Variants in WDR41 observed in about 807,000 individuals in gnomAD.
WDR41 encodes the protein WD repeat domain 41, also known as WD repeat-containing protein 41.
In WDR41, 63 loss-of-function variants were observed where a neutral mutation model predicts 69.3. That is an observed-to-expected ratio of 0.91 (90% CI 0.74 to 1.12). The LOEUF (loss-of-function observed/expected upper bound fraction) is 1.12, where lower values mean the gene tolerates loss of function less well. WDR41 is among the 50% of genes most tolerant of loss of function. The pLI is 0.00. For missense variants in WDR41, 543 were observed against 534.5 expected (o/e 1.02, Z -0.16); for synonymous variants, 185 against 192.1 (o/e 0.96, Z 0.31).
chr5:77,483,962 A>G (rs1312590471), intron 2 of WDR41, among the ~76,000 whole-genome samples: 1 of 152,216 alleles, frequency 6.6e-6, no homozygotes, highest in Non-Finnish European at 1.5e-5. Context: ...GGATTTTTAA[A>G]GCTACATTTG....
Position 77,449,860 on chromosome 5 carries a change from C to T in WDR41, c.597G>A (p.Arg199=). The part of the protein sequence containing the change: ...AAVGKELIIF[R]LVAPTEGSLE... ...GTGATCCTTCTGTGGGTGCTACCAA[C>T]CTGAAAATTACTAAATGAAAAAGAC... The change falls in exon 8 of 13, where the codon AGG becomes AGA. Residue 199 remains arginine, a synonymous_variant. Transcript: ENST00000296679. The T allele has an allele frequency of 1.2e-6, 2 of 1,610,034 alleles. No individual in the cohort carries two copies. The highest frequency in any genetic ancestry group is 1.7e-6 in the Non-Finnish European group (2 of 1,177,106).
chr5:77,518,817 TGTCTAA>T (rs1802330884), intron 1 of WDR41, among the ~76,000 whole-genome samples: 1 of 152,078 alleles, frequency 6.6e-6, no homozygotes, highest in Non-Finnish European at 1.5e-5. Context: ...CAATAATATA[TGTCTAA>T]ATAAATATAT....
In WDR41 at chr5:77,475,250, G is replaced by A. The variant is rs911847868; in HGVS notation, c.168-10441C>T. On this transcript the variant is annotated intron_variant, in intron 2 of 12. Coordinates refer to ENST00000296679, the MANE Select transcript of WDR41 (RefSeq NM_018268.4). ...CAGCCAGGCTGGGGGAGGGGCGCCCGCCATTGCCCAGACTTGCTTAGGTAA... is the reference window on the plus strand; with the variant it reads ...CAGCCAGGCTGGGGGAGGGGCGCCCACCATTGCCCAGACTTGCTTAGGTAA... Among the ~76,000 whole-genome samples, 5 of 152,304 alleles carry A rather than the reference G, an allele frequency of 3.3e-5. No individual in the cohort carries two copies. The South Asian group carries it at 6.2e-4, about 19-fold the overall frequency.
chr5:77,535,360 C>G (rs562038622), intron 1 of WDR41, among the ~76,000 whole-genome samples: 2 of 152,118 alleles, frequency 1.3e-5, no homozygotes, highest in African/African-American at 4.8e-5. Context: ...CTCATAAACA[C>G]CGAGGTTTAG....
chr5:77,588,739 CAAT>C (rs1744083343), intron 1 of WDR41, among the ~76,000 whole-genome samples: 1 of 152,140 alleles, frequency 6.6e-6, no homozygotes. Context: ...CCTCCAGTCA[CAAT>C]ATTTGTGTCA....
Position 77,512,340 on chromosome 5 carries a change from G to GAGAA in WDR41, c.43-22769_43-22768insTTCT, listed in dbSNP as rs1451651229. ...AATTACATGGGGTGAGTGAGAGAGA[G>GAGAA]AGAGAGAGAGAGTGAGTGTGTGTGT... On this transcript the variant is annotated intron_variant, in intron 1 of 5. Coordinates refer to the WDR41 transcript ENST00000509971. 1.8e-3 allele frequency among the ~76,000 whole-genome samples: 234 copies of GAGAA among 127,082 alleles called. 4 individuals carry two copies. The highest frequency in any genetic ancestry group is 6.6e-3 in the African/African-American group (208 of 31,338). 83.4% of individuals were successfully genotyped at this position (127,082 alleles called of 152,430 possible).
chr5:77,561,159 G>A (rs980896427), intron 1 of WDR41, among the ~76,000 whole-genome samples: 1 of 152,104 alleles, frequency 6.6e-6, no homozygotes, highest in Admixed American at 6.6e-5. Context: ...TTAGCCTCTT[G>A]TCAGTTATTT....
At chr5:77,579,186 T>C (rs1483993761) in intron 1 of WDR41, among the ~76,000 whole-genome samples, 1 of 151,898 alleles carries the variant, frequency 6.6e-6, no homozygotes, top group Non-Finnish European at 1.5e-5. Flanking sequence ...ACATGTGTAA[T>C]GGGAGTAGCA....
At chr5:77,494,528 C>A (rs1477953349), upstream of WDR41, among the ~76,000 whole-genome samples, 3 of 151,756 alleles carry the variant, frequency 2.0e-5, no homozygotes, top group Admixed American at 1.3e-4. Context: ...TAACAGCTGA[C>A]AAAATAGACT....
chr5:77,483,459 C>T (rs942066213), intron 2 of WDR41, among the ~76,000 whole-genome samples: 2 of 149,960 alleles, frequency 1.3e-5, no homozygotes, highest in African/African-American at 2.5e-5. Flanking sequence ...TTTTAACCAC[C>T]CCTACGAGTT....
intron 1 of WDR41, among the ~76,000 whole-genome samples, chr5:77,572,551 A>G (rs1030888766): frequency 2.6e-5 from 4 of 152,180 alleles, no homozygotes; most frequent in Non-Finnish European, 2.9e-5. Context: ...CATTATAGAC[A>G]TTTCCCAATG....
intron 1 of WDR41, among the ~76,000 whole-genome samples, chr5:77,587,622 C>T (rs1479655626): frequency 6.6e-6 from 1 of 152,176 alleles, no homozygotes; most frequent in East Asian, 1.9e-4. Flanking sequence ...CTGTTATGGA[C>T]TGAATTGTGT....
chr5:77,439,265 C>T (rs772050239), intron 9 of WDR41, among the ~76,000 whole-genome samples: 8 of 152,156 alleles, frequency 5.3e-5, no homozygotes, highest in Non-Finnish European at 1.2e-4. Flanking sequence ...ACCAGAGATT[C>T]TGGGCTCTCC....
At chr5:77,617,060 T>A (rs1203269203) in intron 1 of WDR41, among the ~76,000 whole-genome samples, 1 of 152,186 alleles carries the variant, frequency 6.6e-6, no homozygotes, top group African/African-American at 2.4e-5. Context: ...CCCATGAAAC[T>A]CAGCACGAAG....
chr5:77,475,964 G>C lies in WDR41; in HGVS notation c.168-11155C>G, dbSNP rs548763116. ...ATGTATAACTAGAATAACCAATACA[G>C]AGAAGTGCTTAAAGGAGCTGATGGA... On this transcript the variant is annotated intron_variant, in intron 2 of 12. Coordinates refer to ENST00000296679, the MANE Select transcript of WDR41 (RefSeq NM_018268.4). Among the ~76,000 whole-genome samples the C allele has an allele frequency of 1.8e-3, 277 of 152,276 alleles. 3 individuals are homozygous for C. Among genetic ancestry groups the C allele is most frequent in the African/African-American group, 6.4e-3 (265 of 41,544 alleles).
At chr5:77,521,227 T>A (rs1272177926) in intron 1 of WDR41, among the ~76,000 whole-genome samples, 1 of 152,234 alleles carries the variant, frequency 6.6e-6, no homozygotes, top group South Asian at 2.1e-4. Flanking sequence ...AGGCACTAGT[T>A]AGATTCTCAT....
At chr5:77,525,986 T>C (rs969937188) in intron 1 of WDR41, among the ~76,000 whole-genome samples, 2 of 152,142 alleles carry the variant, frequency 1.3e-5, no homozygotes, top group Admixed American at 6.5e-5. Flanking sequence ...AGTTGAAAAA[T>C]ATACATAAAA....
chr5:77,462,719 GA>G (rs993805368), intron 4 of WDR41, among the ~76,000 whole-genome samples: 18 of 151,970 alleles, frequency 1.2e-4, no homozygotes, highest in African/African-American at 3.6e-4. Flanking sequence ...GTATAGTGGG[GA>G]AAAAAAATGT....
intron 1 of WDR41, among the ~76,000 whole-genome samples, chr5:77,580,463 G>A (rs1445370367): frequency 1.3e-5 from 2 of 152,018 alleles, no homozygotes; most frequent in Non-Finnish European, 2.9e-5. Flanking sequence ...TTGACACGTA[G>A]GCATTATTAC....
Sources: gnomAD v4.1 joint callset for allele counts (sites outside exome capture counted in the v4.1 genomes callset) on GRCh38, gnomAD v4.1.1 for gene constraint, MANE v1.5 for transcripts, NCBI Gene and HGNC (gene_info 2026-07-23, HGNC 2026-07-21) for gene names.